FGB: variants seen among roughly 807,000 people sequenced by gnomAD.
FGB encodes beta-fibrinogen.
A neutral mutation model predicts 57.9 loss-of-function variants in FGB; 25 were observed. That is an observed-to-expected ratio of 0.43 (90% CI 0.31 to 0.60). The LOEUF (loss-of-function observed/expected upper bound fraction) is 0.60. Among genes scored for constraint, FGB ranks in the 20% least tolerant of loss-of-function variants. The pLI, the probability that FGB is intolerant of heterozygous loss-of-function variation, is 0.08. For synonymous variants in FGB, 203 were observed against 199.2 expected (o/e 1.02, Z -0.16); for missense variants, 536 against 598.4 (o/e 0.90, Z 1.09).
Position 154,569,233 on chromosome 4 carries a change from A to C in FGB, c.884A>C (p.Lys295Thr). ...GACGGTAGTGTTGACTTTGGCAGGA[A>C]ATGGGATCCATATAAACAGGGATTT... ...RQDGSVDFGR[K>T]WDPYKQGFGN... is the part of the protein sequence containing the mutation. The change falls in exon 6 of 8, where the codon AAA becomes ACA. Residue 295 changes from lysine (K) to threonine (T), a missense_variant. Around this residue, in one of 3 missense-constraint regions of FGB, gnomAD observed 354 missense variants for 383.4 expected, o/e 0.92. Coordinates refer to ENST00000302068, the MANE Select transcript of FGB (RefSeq NM_005141.5). 1 of 1,614,128 alleles carries C rather than the reference A, an allele frequency of 6.2e-7. No individual in the cohort carries two copies. Among genetic ancestry groups the C allele is most frequent in the Non-Finnish European group, 8.5e-7 (1 of 1,179,996 alleles).
At chr4:154,566,777 T>C (rs1275311137) in intron 3 of FGB, 105 bp downstream of exon 3, 3 of 1,124,632 alleles carry the variant, frequency 2.7e-6, no homozygotes, top group Admixed American at 1.7e-5. Flanking sequence ...TCTGGGTTAG[T>C]GAATAGCATT....
At chr4:154,563,831 T>C (rs1730045801) in intron 1 of FGB, among the ~76,000 whole-genome samples, 2 of 151,996 alleles carry the variant, frequency 1.3e-5, no homozygotes, top group African/African-American at 2.4e-5. Context: ...TTTAGGACAA[T>C]GGATATTTAA....
chr4:154,567,953 A>T, intron 4 of FGB, 133 bp downstream of exon 4: 1 of 772,188 alleles, frequency 1.3e-6, no homozygotes. Flanking sequence ...AGTACATCAT[A>T]AAAATATCCT....
chr4:154,567,140 G>A (rs1300028971), intron 3 of FGB, among the ~76,000 whole-genome samples: 1 of 152,208 alleles, frequency 6.6e-6, no homozygotes, highest in Non-Finnish European at 1.5e-5. Context: ...AGGCATCTCA[G>A]TGAGTAGCAT....
In FGB at chr4:154,570,970, G is replaced by T; in HGVS notation, c.*320G>T. Reference sequence around the variant, plus strand: ...ATCCTTGTCGTAGGAAAACCATGACGGAAAGGAAAAACTGATGTTTAAAAG... The same window carrying T: ...ATCCTTGTCGTAGGAAAACCATGACTGAAAGGAAAAACTGATGTTTAAAAG... On this transcript the variant is annotated 3_prime_UTR_variant, in exon 8 of 8. Transcript: ENST00000302068. The T allele has an allele frequency of 2.7e-6, 1 of 368,728 alleles. No individual in the cohort carries two copies. Among genetic ancestry groups the T allele is most frequent in the Non-Finnish European group, 5.1e-6 (1 of 196,790 alleles). The allele number at this position is 368,728 out of a possible 1,614,324, so 22.8% of individuals were successfully genotyped here.
chr4:154,566,544 G>A lies in FGB; in HGVS notation c.362G>A (p.Arg121Lys). The A allele has an allele frequency of 6.2e-7, 1 of 1,614,122 alleles. No individual in the cohort carries two copies. The highest frequency in any genetic ancestry group is 1.6e-4 in the Middle Eastern group (1 of 6,062). Residue 121 changes from arginine (R) to lysine (K), a missense_variant, in exon 3 of 8, where the codon AGG becomes AAG. Coordinates refer to ENST00000302068, the MANE Select transcript of FGB (RefSeq NM_005141.5). ...CAAGAGGCTTTGCTACAACAGGAAA[G>A]GCCAATCAGAAATAGTGTTGATGAG... ...QLQEALLQQERPIRNSVDELN... is the reference protein window; with the variant it reads ...QLQEALLQQEKPIRNSVDELN...
chr4:154,567,600 A>G lies in FGB; in HGVS notation c.498A>G (p.Glu166=), dbSNP rs1460749516. The G allele has an allele frequency of 6.3e-7, 1 of 1,587,708 alleles. No individual in the cohort carries two copies. The highest frequency in any genetic ancestry group is 1.3e-5 in the African/African-American group (1 of 74,448). Residue 166 remains glutamate, a synonymous_variant, in exon 4 of 8, where the codon GAA becomes GAG. Transcript: ENST00000302068. Reference sequence around the variant, plus strand: ...ATAATTTCATTTTTCCAGATAATGAAAATGTAGTCAATGAGTACTCCTCAG... The same window carrying G: ...ATAATTTCATTTTTCCAGATAATGAGAATGTAGTCAATGAGTACTCCTCAG... The part of the protein sequence containing the change: ...QKRQKQVKDN[E]NVVNEYSSEL...
chr4:154,566,149 ATTGGGCC>A, intron 2 of FGB, 150 bp downstream of exon 2: 1 of 823,408 alleles, frequency 1.2e-6, no homozygotes, highest in Non-Finnish European at 1.9e-6. Flanking sequence ...ACATAAACAT[ATTGGGCC>A]TTTGGTTTAG....
In FGB at chr4:154,566,920, A is replaced by T. The variant is rs2227408; in HGVS notation, c.490+248A>T. 0.033 allele frequency among the ~76,000 whole-genome samples: 5,087 copies of T among 152,298 alleles called. 139 individuals are homozygous for T. Among genetic ancestry groups the T allele is most frequent in the Non-Finnish European group, 0.052 (3,529 of 68,016 alleles). ...TGACTCCTTATTTTAAGTATACAAG[A>T]AACTTGTGACTCAGAAGATAATATT... On this transcript the variant is annotated intron_variant, in intron 3 of 7. Coordinates refer to ENST00000302068, the MANE Select transcript of FGB (RefSeq NM_005141.5).
Position 154,566,581 on chromosome 4 carries a change from T to G in FGB, c.399T>G (p.Asn133Lys). 1 of 1,614,098 alleles carries G rather than the reference T, an allele frequency of 6.2e-7. No homozygotes were observed. Reference sequence around the variant, plus strand: ...ATAGTGTTGATGAGTTAAATAACAATGTGGAAGCTGTTTCCCAGACCTCCT... The same window carrying G: ...ATAGTGTTGATGAGTTAAATAACAAGGTGGAAGCTGTTTCCCAGACCTCCT... ...IRNSVDELNNNVEAVSQTSSS... is the reference protein window; with the variant it reads ...IRNSVDELNNKVEAVSQTSSS... Residue 133 changes from asparagine (N) to lysine (K), a missense_variant, in exon 3 of 8, where the codon AAT (asparagine) becomes AAG (lysine). Around this residue, in one of 3 missense-constraint regions of FGB, gnomAD observed 354 missense variants for 383.4 expected, o/e 0.92. Coordinates refer to ENST00000302068, the MANE Select transcript of FGB (RefSeq NM_005141.5).
chr4:154,563,206 C>G (rs1730021404), intron 1 of FGB, 74 bp downstream of exon 1: 1 of 683,148 alleles, frequency 1.5e-6, no homozygotes, highest in Non-Finnish European at 2.5e-6. Flanking sequence ...ATATTATGTG[C>G]TTATTTTAAT....
At chr4:154,563,729 AATTT>A (rs1322638590) in intron 1 of FGB, among the ~76,000 whole-genome samples, 2 of 151,874 alleles carry the variant, frequency 1.3e-5, no homozygotes, top group Admixed American at 6.6e-5. Flanking sequence ...GGTTCAGTCT[AATTT>A]ATTTATTTGT....
intron 1 of FGB, among the ~76,000 whole-genome samples, chr4:154,564,409 C>G (rs1333314964): frequency 1.3e-5 from 2 of 152,000 alleles, no homozygotes; most frequent in Non-Finnish European, 2.9e-5. Flanking sequence ...GCAGATGAAT[C>G]ACATTTCTTA....
At position 154,569,780 on chromosome 4, in the gene FGB, G is replaced by A; in HGVS notation, c.1225G>A (p.Asp409Asn). Residue 409 changes from aspartate (D) to asparagine (N), a missense_variant, in exon 7 of 8, where the codon GAC becomes AAC. Asp to Asn is a conservative substitution (Grantham distance 23, BLOSUM62 1). This residue lies in a region of FGB where 177 missense variants were observed against 193.7 expected (regional missense o/e 0.91). Transcript: ENST00000302068. ...CAACGGCATGTTCTTCAGCACGTAT[G>A]ACAGAGACAATGACGGCTGGTATGT... Reference protein sequence around the residue: ...IHNGMFFSTYDRDNDGWLTSD... With the variant: ...IHNGMFFSTYNRDNDGWLTSD... 6.2e-7 allele frequency: 1 copy of A among 1,614,170 alleles called. No individual in the cohort carries two copies. The highest frequency in any genetic ancestry group is 8.5e-7 in the Non-Finnish European group (1 of 1,180,024).
rs1730462563 is a variant in FGB at position 154,572,323 on chromosome 4, C to T, written c.*1673C>T. Among the ~76,000 whole-genome samples, 1 of 152,122 alleles carries T rather than the reference C, an allele frequency of 6.6e-6. No individual in the cohort carries two copies. The highest frequency in any genetic ancestry group is 6.5e-5 in the Admixed American group (1 of 15,274). On this transcript the variant is annotated 3_prime_UTR_variant, in exon 8 of 8. Transcript: ENST00000302068. ...CCTATTGATTCCAACAGGGATGGCG[C>T]CTTGTCCAAGAAGAGACCCAGAGCC... is the stretch of plus-strand genomic sequence containing the variant.
Position 154,571,469 on chromosome 4 carries a change from A to AC in FGB, c.*819_*820insC, listed in dbSNP as rs1491317647. Among the ~76,000 whole-genome samples the AC allele has an allele frequency of 1.4e-5, 1 of 72,276 alleles. No individual in the cohort carries two copies. The highest frequency in any genetic ancestry group is 3.6e-5 in the Non-Finnish European group (1 of 28,014). The allele number at this position is 72,276 out of a possible 152,430, so 47.4% of individuals were successfully genotyped here. On this transcript the variant is annotated 3_prime_UTR_variant, in exon 8 of 8. Transcript: ENST00000302068. ...GGGCAACAGCGTGAGACTCCACCTC[A>AC]AAAAAAAAAAAAAAAGAATCTGACT...
chr4:154,567,948 A>C, intron 4 of FGB, 128 bp downstream of exon 4: 1 of 780,648 alleles, frequency 1.3e-6, no homozygotes, highest in Non-Finnish European at 2.2e-6. Context: ...ATTACAGTAC[A>C]TCATAAAAAT....
At chr4:154,565,665 C>T (rs1451822388) in intron 1 of FGB, 143 bp from the exon 2 acceptor site, 15 of 800,840 alleles carry the variant, frequency 1.9e-5, no homozygotes, top group African/African-American at 3.5e-5. Flanking sequence ...TACAGATTCA[C>T]TATCACCAAC....
intron 1 of FGB, chr4:154,565,103 A>G (rs1730100406): frequency 1.2e-5 from 5 of 402,542 alleles, no homozygotes; most frequent in South Asian, 9.9e-5. Flanking sequence ...TACTGTTCTG[A>G]GGGTACCATA....
Sources: allele counts gnomAD v4.1 joint callset (sites outside exome capture counted in the v4.1 genomes callset), GRCh38; gene constraint gnomAD v4.1.1; regional missense constraint gnomAD v4.1.1; transcripts MANE v1.5; gene names NCBI Gene and HGNC (gene_info 2026-07-23, HGNC 2026-07-21).